The following HFM1 variants were observed in gnomAD, a reference collection of about 807,000 sequenced individuals.
HFM1 encodes the protein probable ATP-dependent DNA helicase HFM1.
In HFM1, 169 loss-of-function variants were observed where a neutral mutation model predicts 192.1. The ratio of observed to expected loss-of-function variants is 0.88; its 90% CI spans 0.78 to 1.00. The LOEUF is 1.00. Among genes scored for constraint, HFM1 ranks in the 50% least tolerant of loss-of-function variants. The pLI, the probability that HFM1 is intolerant of heterozygous loss-of-function variation, is 0.00. For missense variants in HFM1, 1,661 were observed against 1,668.0 expected (o/e 1.00, Z 0.07); for synonymous variants, 525 against 537.8 (o/e 0.98, Z 0.33).
intron 30 of HFM1, among the ~76,000 whole-genome samples, chr1:91,280,374 T>C (rs779903337): frequency 7.9e-5 from 12 of 152,146 alleles, no homozygotes; most frequent in Admixed American, 2.0e-4. Context: ...TGAGAAAGTA[T>C]GTAAGATGAG....
chr1:91,319,613 CTCT>C (rs1323394488), intron 23 of HFM1, among the ~76,000 whole-genome samples: 2 of 151,946 alleles, frequency 1.3e-5, no homozygotes, highest in African/African-American at 4.8e-5. Context: ...TTATTTATTG[CTCT>C]TCTTTATTCA....
intron 25 of HFM1, among the ~76,000 whole-genome samples, chr1:91,317,653 A>G (rs775637000): frequency 2.6e-5 from 4 of 152,118 alleles, no homozygotes; most frequent in Admixed American, 1.3e-4. Flanking sequence ...CCTTACTCAT[A>G]TATTTACTTG....
intron 13 of HFM1, among the ~76,000 whole-genome samples, chr1:91,359,408 A>G (rs948196782): frequency 6.6e-6 from 1 of 152,224 alleles, no homozygotes; most frequent in Admixed American, 6.5e-5. Context: ...AGAGAGGAAC[A>G]TAACTGATCT....
intron 30 of HFM1, among the ~76,000 whole-genome samples, chr1:91,295,431 T>G (rs1165539375): frequency 6.6e-6 from 1 of 152,164 alleles, no homozygotes; most frequent in Non-Finnish European, 1.5e-5. Flanking sequence ...TCTCTCTCAT[T>G]GTGTCTTCAC....
chr1:91,358,410 C>G (rs191088067), intron 13 of HFM1, among the ~76,000 whole-genome samples: 62 of 152,130 alleles, frequency 4.1e-4, no homozygotes, highest in African/African-American at 1.4e-3. Context: ...TACTACAAAG[C>G]TGGACTAACC....
chr1:91,364,626 A>ATTTTT (rs1468902149), intron 13 of HFM1, among the ~76,000 whole-genome samples: 12 of 43,344 alleles, frequency 2.8e-4, no homozygotes, highest in East Asian at 6.3e-4. Flanking sequence ...ATATATATAT[A>ATTTTT]TATATATTTT....
At chr1:91,353,659 A>C (rs1377172633) in intron 13 of HFM1, among the ~76,000 whole-genome samples, 2 of 150,716 alleles carry the variant, frequency 1.3e-5, no homozygotes, top group Non-Finnish European at 3.0e-5. Flanking sequence ...AAGCAAAAAA[A>C]AAAAAAAAAA....
In HFM1 at chr1:91,276,719, G is replaced by T; in HGVS notation, c.3497C>A (p.Ser1166Ter). The change falls in exon 32 of 39, where the codon TCA (serine) becomes TAA (stop). Residue 1166 changes from serine to a stop codon, truncating the protein, a stop_gained. Transcript: ENST00000370425. LOFTEE classifies it high-confidence loss of function. ...DCCKIGVAQK[S>*]EIKESTISSY... Reference sequence around the variant, plus strand: ...AGAAATTGTTGACTCTTTAATTTCTGACTTCTGTGCAACTCCAATTTTACC... The same window carrying T: ...AGAAATTGTTGACTCTTTAATTTCTTACTTCTGTGCAACTCCAATTTTACC... 2 of 1,537,160 alleles carry T rather than the reference G, an allele frequency of 1.3e-6. No homozygotes were observed. The highest frequency in any genetic ancestry group is 1.3e-5 in the South Asian group (1 of 79,852).
At chr1:91,292,811 G>C (rs920250173) in intron 30 of HFM1, among the ~76,000 whole-genome samples, 1 of 152,066 alleles carries the variant, frequency 6.6e-6, no homozygotes, top group African/African-American at 2.4e-5. Flanking sequence ...TATACTACAA[G>C]GCTACAGTAA....
chr1:91,401,142 A>C, intron 1 of HFM1, 33 bp from the exon 2 acceptor site: 1 of 903,110 alleles, frequency 1.1e-6, no homozygotes, highest in South Asian at 1.7e-5. Flanking sequence ...TTTATATTTT[A>C]TTTATAAAGA....
At chr1:91,286,062 C>T (rs1358177663) in intron 30 of HFM1, among the ~76,000 whole-genome samples, 8 of 152,134 alleles carry the variant, frequency 5.3e-5, no homozygotes, top group Admixed American at 1.3e-4. Context: ...CTGTAGTTTC[C>T]TTTAAGTGAA....
chr1:91,375,313 G>T, intron 13 of HFM1, 45 bp downstream of exon 13: 1 of 1,366,186 alleles, frequency 7.3e-7, no homozygotes, highest in Non-Finnish European at 1.0e-6. Flanking sequence ...ATCTAGATGA[G>T]CCCTAAAAGT....
intron 30 of HFM1, among the ~76,000 whole-genome samples, chr1:91,277,948 TA>T (rs1222116280): frequency 1.6e-5 from 2 of 122,664 alleles, no homozygotes; most frequent in African/African-American, 6.0e-5. Flanking sequence ...TTATATATTA[TA>T]TTTTATATAT....
intron 34 of HFM1, among the ~76,000 whole-genome samples, chr1:91,273,088 C>T (rs901592186): frequency 1.3e-5 from 2 of 151,922 alleles, no homozygotes; most frequent in African/African-American, 4.8e-5. Flanking sequence ...ATGAACCAGG[C>T]AGTGTTGAAT....
intron 13 of HFM1, among the ~76,000 whole-genome samples, chr1:91,368,183 A>C (rs532462508): frequency 6.6e-6 from 1 of 152,356 alleles, no homozygotes; most frequent in South Asian, 2.1e-4. Context: ...GCAGGATATT[A>C]TCCAGGAGAA....
rs532209140 is a variant in HFM1, at chr1:91,353,938, C to A, written c.1686-639G>T. Among the ~76,000 whole-genome samples, 1,313 of 137,004 alleles carry A rather than the reference C, an allele frequency of 9.6e-3. 15 individuals are homozygous for A. The highest frequency in any genetic ancestry group is 0.012 in the Non-Finnish European group (770 of 61,884). 89.9% of individuals were successfully genotyped at this position (137,004 alleles called of 152,430 possible). A position where few individuals can be genotyped will look rare whatever the true frequency, so the allele number is the denominator to read the frequency against. On this transcript the variant is annotated intron_variant, in intron 13 of 38. Coordinates refer to ENST00000370425, the MANE Select transcript of HFM1 (RefSeq NM_001017975.6). ...CAGGAAACATGAAAAAAAAAAAAAA[C>A]CAACCAAAAAACCAGGAAATACACC...
intron 13 of HFM1, among the ~76,000 whole-genome samples, chr1:91,375,124 T>C (rs932087469): frequency 1.3e-5 from 2 of 152,042 alleles, no homozygotes; most frequent in African/African-American, 4.8e-5. Flanking sequence ...GGATTGAAAT[T>C]AGGTTAAAAA....
intron 20 of HFM1, among the ~76,000 whole-genome samples, chr1:91,332,262 A>G (rs281976): frequency 1 from 152,080 of 152,298 alleles, 75,931 homozygotes; most frequent in East Asian, 1. Flanking sequence ...CAGACACATC[A>G]ATCAATGGAA....
chr1:91,289,475 G>A (rs1668456560), intron 30 of HFM1, among the ~76,000 whole-genome samples: 1 of 152,178 alleles, frequency 6.6e-6, no homozygotes, highest in Non-Finnish European at 1.5e-5. Flanking sequence ...CTGGGCAGAG[G>A]CTGCAATCTC....
Sources: gnomAD v4.1 joint callset for allele counts (sites outside exome capture counted in the v4.1 genomes callset) on GRCh38, gnomAD v4.1.1 for gene constraint, MANE v1.5 for transcripts, NCBI Gene and HGNC (gene_info 2026-07-23, HGNC 2026-07-21) for gene names.